Variants in EML1 observed in about 807,000 individuals in gnomAD.
EML1 encodes echinoderm microtubule-associated protein-like 1.
In EML1, 27 loss-of-function variants were observed where a neutral mutation model predicts 110.4. The observed-to-expected ratio is 0.24, with a 90% CI of 0.18 to 0.34. The LOEUF (loss-of-function observed/expected upper bound fraction) is 0.34, where lower values mean the gene tolerates loss of function less well. EML1 is among the 10% of genes least tolerant of loss of function. The probability of loss-of-function intolerance (pLI) is 1.00; values close to 1 mark genes in which losing one functional copy is unlikely to be tolerated. For synonymous variants in EML1, 344 were observed against 385.8 expected, an observed-to-expected ratio of 0.89 and a Z score of 1.27; for missense variants, 741 against 1,030.9, an observed-to-expected ratio of 0.72 and a Z score of 3.85.
chr14:99,789,064 T>C (rs1323671699), upstream of EML1, among the ~76,000 whole-genome samples: 2 of 152,162 alleles, frequency 1.3e-5, no homozygotes, highest in African/African-American at 4.8e-5. Context: ...CATCCATCGG[T>C]AGATACTCAG....
chr14:99,742,662 C>G (rs896220064), intron 1 of EML1, among the ~76,000 whole-genome samples: 1 of 152,026 alleles, frequency 6.6e-6, no homozygotes, highest in Non-Finnish European at 1.5e-5. Flanking sequence ...CATGGGGTGA[C>G]CTGGCAGTGT....
At chr14:99,747,344 AG>A (rs2140167804) in intron 1 of EML1, among the ~76,000 whole-genome samples, 1 of 152,212 alleles carries the variant, frequency 6.6e-6, no homozygotes, top group South Asian at 2.1e-4. Flanking sequence ...CTGGCCCAGG[AG>A]AAAGGCAGGC....
At chr14:99,922,037 G>A (rs777773846) in intron 17 of EML1, among the ~76,000 whole-genome samples, 1 of 152,168 alleles carries the variant, frequency 6.6e-6, no homozygotes, top group African/African-American at 2.4e-5. Context: ...CACGTAGAAT[G>A]ATGTTTTTGA....
chr14:99,940,228 G>A lies in EML1; in HGVS notation c.*116G>A. 1.5e-6 allele frequency: 2 copies of A among 1,330,040 alleles called. No homozygotes were observed. The highest frequency in any genetic ancestry group is 2.1e-5 in the South Asian group (1 of 48,120). The allele number at this position is 1,330,040 out of a possible 1,614,324, so 82.4% of individuals were successfully genotyped here. On this transcript the variant is annotated 3_prime_UTR_variant, in exon 22 of 22. Coordinates refer to ENST00000262233, the MANE Select transcript of EML1 (RefSeq NM_004434.3). Reference sequence around the variant, plus strand: ...AATTCTTACAAACCTCAGGAAAACTGTGCCCTCCGCCGGCTACCTTAGCTT... The same window carrying A: ...AATTCTTACAAACCTCAGGAAAACTATGCCCTCCGCCGGCTACCTTAGCTT...
intron 1 of EML1, among the ~76,000 whole-genome samples, chr14:99,841,856 C>T (rs192694858): frequency 6.6e-6 from 1 of 152,290 alleles, no homozygotes; most frequent in African/African-American, 2.4e-5. Context: ...GCCCCATAGA[C>T]GCAGTTACAC....
At chr14:99,855,344 T>C (rs999213068) in intron 2 of EML1, among the ~76,000 whole-genome samples, 3 of 152,250 alleles carry the variant, frequency 2.0e-5, no homozygotes, top group African/African-American at 7.2e-5. Context: ...AGAAGAAATT[T>C]GTGTTCTAAA....
chr14:99,920,428 T>C (rs562738484), intron 16 of EML1, among the ~76,000 whole-genome samples: 1 of 152,344 alleles, frequency 6.6e-6, no homozygotes, highest in South Asian at 2.1e-4. Flanking sequence ...GGGTGAGCTC[T>C]TGCAGGTGGT....
chr14:99,806,189 G>A (rs76978787), intron 1 of EML1, among the ~76,000 whole-genome samples: 2,021 of 152,184 alleles, frequency 0.013, 33 homozygotes, highest in African/African-American at 0.046. Context: ...GCAAGAAGTG[G>A]GATAATTACC....
chr14:99,741,766 C>T (rs2057045376), intron 1 of EML1, among the ~76,000 whole-genome samples: 1 of 152,142 alleles, frequency 6.6e-6, no homozygotes, highest in African/African-American at 2.4e-5. Context: ...CCATCCCAGT[C>T]CCCAAGGAGG....
intron 1 of EML1, chr14:99,849,978 G>A (rs112214859): frequency 0.029 from 5,851 of 200,070 alleles, 139 homozygotes; most frequent in African/African-American, 0.073. Flanking sequence ...ACCCAGGCTG[G>A]AGTGCAGTGG....
intron 4 of EML1, among the ~76,000 whole-genome samples, chr14:99,889,362 A>G (rs1706081236): frequency 6.6e-6 from 1 of 152,190 alleles, no homozygotes; most frequent in Non-Finnish European, 1.5e-5. Flanking sequence ...GAGGAATTCC[A>G]CAGGAGCTCC....
intron 1 of EML1, among the ~76,000 whole-genome samples, chr14:99,765,601 CTA>C (rs916895844): frequency 1.5e-4 from 23 of 151,442 alleles, no homozygotes; most frequent in Non-Finnish European, 2.8e-4. Context: ...ATTTACCGCA[CTA>C]TATATATATA....
intron 1 of EML1, among the ~76,000 whole-genome samples, chr14:99,811,377 AACT>A (rs1253298355): frequency 6.8e-6 from 1 of 147,846 alleles, no homozygotes; most frequent in African/African-American, 2.4e-5. Context: ...TCAAAGTCTT[AACT>A]ACTAACAGCT....
At chr14:99,855,351 T>TA (rs960659464) in intron 2 of EML1, among the ~76,000 whole-genome samples, 203 of 152,350 alleles carry the variant, frequency 1.3e-3, no homozygotes, top group African/African-American at 4.6e-3. Context: ...ATTTGTGTTC[T>TA]AAAAAATCAC....
At chr14:99,874,416 C>T (rs2059255866) in intron 3 of EML1, among the ~76,000 whole-genome samples, 1 of 152,200 alleles carries the variant, frequency 6.6e-6, no homozygotes, top group Non-Finnish European at 1.5e-5. Flanking sequence ...CACAGTCTCT[C>T]ACAAGCCAGT....
chr14:99,784,887 T>C lies in EML1; in HGVS notation c.-27+10874T>C, dbSNP rs1172158261. The stretch of plus-strand genomic sequence containing the variant: ...AAAGACATTTCCAACAGCAGGAATC[T>C]CACAACCAAAGCCCCAGGGGCAGAC... On this transcript the variant is annotated intron_variant, in intron 1 of 22. Coordinates refer to the EML1 transcript ENST00000327921. The surrounding 1 kb of genome is among the most constrained non-coding windows in gnomAD (Gnocchi z 4.5). Among the ~76,000 whole-genome samples the C allele has an allele frequency of 6.6e-6, 1 of 152,116 alleles. No homozygotes were observed. Among genetic ancestry groups the C allele is most frequent in the Non-Finnish European group, 1.5e-5 (1 of 68,028 alleles).
intron 3 of EML1, 112 bp from the exon 4 acceptor site, chr14:99,878,373 C>G (rs993830290): frequency 6.8e-7 from 1 of 1,462,332 alleles, no homozygotes; most frequent in African/African-American, 1.4e-5. Context: ...CTAGGCCTGT[C>G]TTTTGAATAT....
intron 2 of EML1, 58 bp downstream of exon 2, chr14:99,851,093 C>T (rs1233752883): frequency 1.3e-6 from 2 of 1,540,984 alleles, no homozygotes; most frequent in Admixed American, 1.8e-5. Flanking sequence ...CAGAATCTTG[C>T]TCTAGCAAAC....
chr14:99,940,290 C>T lies in EML1; in HGVS notation c.*178C>T, dbSNP rs1348514222. On this transcript the variant is annotated 3_prime_UTR_variant, in exon 22 of 22. Transcript: ENST00000262233. The stretch of plus-strand genomic sequence containing the variant: ...GGGCGCCACAGCGGATCAGCGGTTC[C>T]GTGTTCACTTTTGTTGTACAATATA... 2.5e-6 allele frequency: 2 copies of T among 789,688 alleles called. No homozygotes were observed. Among genetic ancestry groups the T allele is most frequent in the East Asian group, 6.5e-5 (2 of 30,664 alleles). 48.9% of individuals were successfully genotyped at this position (789,688 alleles called of 1,614,324 possible).
Sources: gnomAD v4.1 joint callset for allele counts (sites outside exome capture counted in the v4.1 genomes callset) on GRCh38, gnomAD v4.1.1 for gene constraint, Gnocchi (gnomAD v3.1) non-coding constraint, MANE v1.5 for transcripts, NCBI Gene and HGNC (gene_info 2026-07-23, HGNC 2026-07-21) for gene names.